Variants in FBXO24 observed in about 807,000 individuals in gnomAD.
FBXO24 encodes F-box only protein 24.
In FBXO24, 30 loss-of-function variants were observed where a neutral mutation model predicts 63.5. That is an observed-to-expected ratio of 0.47 (90% CI 0.35 to 0.64). The LOEUF is 0.64. Ranked by LOEUF, FBXO24 falls within the 30% of genes least tolerant of loss-of-function variation. The pLI is 0.00. For missense variants in FBXO24, 624 were observed against 763.4 expected (o/e 0.82, Z 2.15); for synonymous variants, 300 against 305.0 (o/e 0.98, Z 0.17).
chr7:100,591,031 A>ATTTTTTT (rs930978218), intron 3 of FBXO24, among the ~76,000 whole-genome samples: 59 of 86,666 alleles, frequency 6.8e-4, no homozygotes, highest in Non-Finnish European at 7.8e-4. Flanking sequence ...TTTTTCTTTG[A>ATTTTTTT]TTTTTTTTTT....
chr7:100,600,141 TG>T lies in FBXO24; in HGVS notation c.1322del (p.Gly441AlafsTer99), dbSNP rs1220593409. 3 of 1,596,182 alleles carry T rather than the reference TG, an allele frequency of 1.9e-6. No homozygotes were observed. The highest frequency in any genetic ancestry group is 3.5e-5 in the Admixed American group (2 of 56,804). On this transcript the variant is annotated frameshift_variant, in exon 9 of 10. Coordinates refer to ENST00000241071, the MANE Select transcript of FBXO24 (RefSeq NM_033506.3). LOFTEE classifies it high-confidence loss of function. The surrounding 1 kb of genome is among the most constrained non-coding windows in gnomAD (Gnocchi z 6.3). ...KELLGCGCGA[G>X]GRLPGWPKGS... ...AGCTGCTGGGCTGCGGCTGTGGGGC[TG>T]GGGGCCGCCTCCCAGGCTGGCCCAA...
chr7:100,597,556 G>A (rs1394873736), intron 8 of FBXO24, among the ~76,000 whole-genome samples: 1 of 151,922 alleles, frequency 6.6e-6, no homozygotes, highest in Non-Finnish European at 1.5e-5. Context: ...ACCATGCCCG[G>A]CTAATTTTTG....
chr7:100,590,068 C>T lies in FBXO24; in HGVS notation c.131C>T (p.Pro44Leu), dbSNP rs781206122. 6.2e-7 allele frequency: 1 copy of T among 1,612,828 alleles called. No individual in the cohort carries two copies. Among genetic ancestry groups the T allele is most frequent in the Non-Finnish European group, 8.5e-7 (1 of 1,179,454 alleles). ...GNPISIQLFP[P>L]ELVEHIISFL... The stretch of plus-strand genomic sequence containing the variant: ...CCGATTTCCATCCAGTTGTTCCCCC[C>T]AGAGCTGGTGAGTCCTTGGGGAGGG... Residue 44 changes from proline (P) to leucine (L), a missense_variant, in exon 2 of 10, where the codon CCA (proline) becomes CTA (leucine). Transcript: ENST00000241071.
In FBXO24 at chr7:100,600,910, G is replaced by A; in HGVS notation, c.*11G>A. 6.2e-7 allele frequency: 1 copy of A among 1,608,798 alleles called. No individual in the cohort carries two copies. Among genetic ancestry groups the A allele is most frequent in the South Asian group, 1.1e-5 (1 of 90,570 alleles). On this transcript the variant is annotated 3_prime_UTR_variant, in exon 10 of 10. Coordinates refer to ENST00000241071, the MANE Select transcript of FBXO24 (RefSeq NM_033506.3). The surrounding 1 kb of genome is among the most constrained non-coding windows in gnomAD (Gnocchi z 6.3). The stretch of plus-strand genomic sequence containing the variant: ...GCCCCTGAGACCTAATCCCCCTCAT[G>A]CTAGCCTAGTCCCTGGAGGAGGGAG...
rs1269919128 is a variant in FBXO24, at chr7:100,586,455, T to C, written c.-171T>C. 8.5e-6 allele frequency: 6 copies of C among 706,058 alleles called. No individual in the cohort carries two copies. The highest frequency in any genetic ancestry group is 1.8e-5 in the African/African-American group (1 of 56,598). 43.7% of individuals were successfully genotyped at this position (706,058 alleles called of 1,614,324 possible). On this transcript the variant is annotated 5_prime_UTR_variant, in exon 1 of 10. Transcript: ENST00000241071. ...AGAGGAGGGGACACCGGCACTCCACTAGCAGGAAAACGGGCCGAGGGACCG... is the reference window on the plus strand; with the variant it reads ...AGAGGAGGGGACACCGGCACTCCACCAGCAGGAAAACGGGCCGAGGGACCG...
At chr7:100,586,803 C>G (rs894674961) in intron 1 of FBXO24, 139 bp downstream of exon 1, 4 of 811,348 alleles carry the variant, frequency 4.9e-6, no homozygotes, top group African/African-American at 1.7e-5. Context: ...TGAGGGGATT[C>G]GGGCGACTGC....
Position 100,592,850 on chromosome 7 carries a change from C to T in FBXO24, c.626C>T (p.Pro209Leu), listed in dbSNP as rs201493865. 124 of 1,614,164 alleles carry T rather than the reference C, an allele frequency of 7.7e-5. No homozygotes were observed. The highest frequency in any genetic ancestry group is 4.0e-4 in the Admixed American group (24 of 60,008). The part of the protein sequence containing the change: ...KYLYVLATRE[P>L]QEVVGTTSSR... Reference sequence around the variant, plus strand: ...CTCTACGTCTTGGCCACTCGGGAGCCGCAGGAAGTGGTGGGTACCACCAGC... The same window carrying T: ...CTCTACGTCTTGGCCACTCGGGAGCTGCAGGAAGTGGTGGGTACCACCAGC... Residue 209 changes from proline (P) to leucine (L), a missense_variant, in exon 5 of 10, where the codon CCG becomes CTG. Physicochemically the swap from Pro to Leu is moderately conservative, Grantham distance 98 (BLOSUM62 -3). Around this residue, in one of 3 missense-constraint regions of FBXO24, gnomAD observed 391 missense variants for 469.1 expected, o/e 0.83. Coordinates refer to ENST00000241071, the MANE Select transcript of FBXO24 (RefSeq NM_033506.3).
intron 2 of FBXO24, 49 bp from the exon 3 acceptor site, chr7:100,590,125 C>A (rs1801936731): frequency 6.2e-7 from 1 of 1,606,792 alleles, no homozygotes; most frequent in Non-Finnish European, 8.5e-7. Context: ...GGGGCCAGAT[C>A]ACCGAGGGGC....
At chr7:100,589,584 G>A in intron 1 of FBXO24, 1 of 1,440,250 alleles carries the variant, frequency 6.9e-7, no homozygotes, top group Non-Finnish European at 9.2e-7. Flanking sequence ...GACTCCATGG[G>A]GGAGGGGCCT....
chr7:100,596,746 A>G (rs983140189), intron 8 of FBXO24, among the ~76,000 whole-genome samples: 2 of 152,172 alleles, frequency 1.3e-5, no homozygotes, highest in African/African-American at 4.8e-5. Flanking sequence ...AGAGGGGTAT[A>G]AGACAGAGGT....
intron 1 of FBXO24, 146 bp from the exon 2 acceptor site, chr7:100,589,831 T>C (rs777511578): frequency 1.3e-6 from 2 of 1,521,806 alleles, no homozygotes; most frequent in South Asian, 1.3e-5. Flanking sequence ...GGAGGAGTTA[T>C]TTGGAGAAGT....
intron 3 of FBXO24, among the ~76,000 whole-genome samples, chr7:100,591,225 T>C (rs1376986710): frequency 6.6e-6 from 1 of 151,666 alleles, no homozygotes; most frequent in Non-Finnish European, 1.5e-5. Context: ...TTAGTAGAGA[T>C]GGGGTTTTGC....
chr7:100,586,832 C>T (rs765002844), intron 1 of FBXO24, 168 bp downstream of exon 1: 2 of 507,086 alleles, frequency 3.9e-6, no homozygotes, highest in Non-Finnish European at 3.7e-6. Flanking sequence ...AGTGCACTGG[C>T]GGTTGTCGCA....
chr7:100,599,915 C>T lies in FBXO24; in HGVS notation c.1207-116C>T, dbSNP rs1010524750. ...CCTGGGGCGTGGGACAGTGCTGGCT[C>T]CCATTTCCTCCTCCCCAGTTCATTC... On this transcript the variant is annotated intron_variant, in intron 8 of 9. Coordinates refer to ENST00000241071, the MANE Select transcript of FBXO24 (RefSeq NM_033506.3). The T allele has an allele frequency of 1.2e-5, 14 of 1,201,666 alleles. No individual in the cohort carries two copies. The South Asian group carries it at 1.9e-4, about 16-fold the overall frequency. 74.4% of individuals were successfully genotyped at this position (1,201,666 alleles called of 1,614,324 possible).
Position 100,600,120 on chromosome 7 carries a change from G to T in FBXO24, c.1296G>T (p.Leu432=), listed in dbSNP as rs751425396. 1 of 1,605,054 alleles carries T rather than the reference G, an allele frequency of 6.2e-7. No individual in the cohort carries two copies. Among genetic ancestry groups the T allele is most frequent in the South Asian group, 1.1e-5 (1 of 89,188 alleles). The change falls in exon 9 of 10, where the codon CTG becomes CTT. Residue 432 remains leucine, a synonymous_variant. Transcript: ENST00000241071. The surrounding 1 kb of genome is among the most constrained non-coding windows in gnomAD (Gnocchi z 6.3). ...AGAGCTCAGAGTTCAGCAAGGAGCTGCTGGGCTGCGGCTGTGGGGCTGGGG... is the reference window on the plus strand; with the variant it reads ...AGAGCTCAGAGTTCAGCAAGGAGCTTCTGGGCTGCGGCTGTGGGGCTGGGG... ...LSQSSEFSKE[L]LGCGCGAGGR... is the part of the protein sequence containing the mutation.
chr7:100,594,757 C>T lies in FBXO24; in HGVS notation c.952+216C>T, dbSNP rs1201428883. 6.6e-6 allele frequency among the ~76,000 whole-genome samples: 1 copy of T among 152,176 alleles called. No individual in the cohort carries two copies. Among genetic ancestry groups the T allele is most frequent in the African/African-American group, 2.4e-5 (1 of 41,430 alleles). On this transcript the variant is annotated intron_variant, in intron 6 of 9. Transcript: ENST00000241071. The surrounding 1 kb of genome is among the most constrained non-coding windows in gnomAD (Gnocchi z 4.2). The stretch of plus-strand genomic sequence containing the variant: ...CCTGAGGTCAGGAGTTCAAGACCAG[C>T]CTGGCCAACATGGCGAAACCCCATC...
chr7:100,588,159 G>T (rs1034864710), intron 1 of FBXO24, among the ~76,000 whole-genome samples: 1 of 152,192 alleles, frequency 6.6e-6, no homozygotes, highest in South Asian at 2.1e-4. Context: ...GATTATAAGC[G>T]TGAGCCACAA....
chr7:100,594,952 A>C lies in FBXO24; in HGVS notation c.953-150A>C. On this transcript the variant is annotated intron_variant, in intron 6 of 9. Coordinates refer to ENST00000241071, the MANE Select transcript of FBXO24 (RefSeq NM_033506.3). The surrounding 1 kb of genome is among the most constrained non-coding windows in gnomAD (Gnocchi z 4.2). ...TGACCGAGGGAGACTCGGTCTCAAA[A>C]GATGTGTTTTCAGTTCCCAGGCATC... The C allele has an allele frequency of 8.9e-7, 1 of 1,128,070 alleles. No homozygotes were observed. Among genetic ancestry groups the C allele is most frequent in the Non-Finnish European group, 1.3e-6 (1 of 797,696 alleles). 69.9% of individuals were successfully genotyped at this position (1,128,070 alleles called of 1,614,324 possible). A position where few individuals can be genotyped will look rare whatever the true frequency, so the allele number is the denominator to read the frequency against.
intron 8 of FBXO24, among the ~76,000 whole-genome samples, chr7:100,599,504 G>A (rs1440637306): frequency 1.3e-5 from 2 of 151,838 alleles, no homozygotes; most frequent in Non-Finnish European, 1.5e-5. Context: ...AACCCAGGAA[G>A]GCAGAGGTTG....
Sources: allele counts gnomAD v4.1 joint callset (sites outside exome capture counted in the v4.1 genomes callset), GRCh38; gene constraint gnomAD v4.1.1; regional missense constraint gnomAD v4.1.1; non-coding constraint Gnocchi (gnomAD v3.1); transcripts MANE v1.5; gene names NCBI Gene and HGNC (gene_info 2026-07-23, HGNC 2026-07-21).